TMC1: variants seen among roughly 807,000 people sequenced by gnomAD.
The protein encoded by TMC1 is transmembrane channel like 1.
Under a neutral mutation model 105.8 loss-of-function variants are expected in TMC1, and 84 were observed. The observed-to-expected ratio is 0.79, with a 90% confidence interval of 0.67 to 0.95. The LOEUF is 0.95. TMC1 is among the 40% of genes least tolerant of loss of function. TMC1 has a pLI of 0.00. For synonymous variants in TMC1, 315 were observed against 311.5 expected, an observed-to-expected ratio of 1.01 and a Z score of -0.12; for missense variants, 817 against 914.1, an observed-to-expected ratio of 0.89 and a Z score of 1.37.
chr9:72,607,000 T>TAGAGAGAG (rs796092443), intron 2 of TMC1, among the ~76,000 whole-genome samples: 2,557 of 128,602 alleles, frequency 0.02, 26 homozygotes, highest in Non-Finnish European at 0.024. Context: ...TATATATATA[T>TAGAGAGAG]ATAGAGAGAG....
chr9:72,556,754 G>A (rs981826932), intron 1 of TMC1, among the ~76,000 whole-genome samples: 2 of 151,884 alleles, frequency 1.3e-5, no homozygotes, highest in Non-Finnish European at 2.9e-5. Flanking sequence ...CCTGGGAGGC[G>A]GAGGTTGCAG....
chr9:72,625,792 T>G (rs1825337448), intron 3 of TMC1, among the ~76,000 whole-genome samples: 1 of 152,108 alleles, frequency 6.6e-6, no homozygotes, highest in South Asian at 2.1e-4. Context: ...ATAGGTGGCA[T>G]AGTGACCTTG....
chr9:72,532,560 A>G (rs1471243905), intron 1 of TMC1, among the ~76,000 whole-genome samples: 2 of 33,428 alleles, frequency 6.0e-5, no homozygotes, highest in African/African-American at 5.3e-4. Flanking sequence ...AAAAAAAAAA[A>G]AAAAAAAAAA....
intron 1 of TMC1, among the ~76,000 whole-genome samples, chr9:72,560,087 A>G (rs1019335163): frequency 6.6e-6 from 1 of 152,218 alleles, no homozygotes; most frequent in Non-Finnish European, 1.5e-5. Flanking sequence ...TAACCATGAC[A>G]TATCACCCCT....
intron 21 of TMC1, among the ~76,000 whole-genome samples, chr9:72,828,993 T>C (rs1005878429): frequency 7.2e-5 from 11 of 152,230 alleles, no homozygotes; most frequent in Non-Finnish European, 1.5e-4. Context: ...GTCATCTTCA[T>C]CCTGCAGGAC....
intron 5 of TMC1, chr9:72,655,840 C>G (rs1208374846): frequency 2.7e-6 from 2 of 746,136 alleles, no homozygotes; most frequent in Non-Finnish European, 4.9e-6. Flanking sequence ...ACTTATACGT[C>G]TACAATGGTG....
chr9:72,816,256 A>C (rs746205331), intron 19 of TMC1, 46 bp downstream of exon 19: 11 of 1,575,106 alleles, frequency 7.0e-6, no homozygotes, highest in Non-Finnish European at 9.6e-6. Flanking sequence ...AAAGCCTCCC[A>C]GGTTATTTTT....
At chr9:72,721,962 CG>C (rs1827034898) in intron 8 of TMC1, among the ~76,000 whole-genome samples, 2 of 152,246 alleles carry the variant, frequency 1.3e-5, no homozygotes, top group South Asian at 4.1e-4. Flanking sequence ...TAAAAAATAT[CG>C]GTGAGCTCCA....
chr9:72,750,542 G>A (rs1827566173), intron 10 of TMC1, among the ~76,000 whole-genome samples: 2 of 139,728 alleles, frequency 1.4e-5, no homozygotes, highest in Admixed American at 7.3e-5. Context: ...TTAAGAGGGT[G>A]CTTTTTTTTT....
At chr9:72,525,647 G>T (rs1823393318) in intron 1 of TMC1, among the ~76,000 whole-genome samples, 1 of 152,070 alleles carries the variant, frequency 6.6e-6, no homozygotes, top group Admixed American at 6.6e-5. Flanking sequence ...GAAAGAAAGG[G>T]AAACAGTTTG....
intron 7 of TMC1, among the ~76,000 whole-genome samples, chr9:72,696,374 G>A (rs940668032): frequency 2.6e-5 from 4 of 152,110 alleles, no homozygotes; most frequent in African/African-American, 7.2e-5. Flanking sequence ...TTTTTGCTGC[G>A]ACAATTTGTG....
At chr9:72,688,621 TATG>T in intron 5 of TMC1, 85 bp from the exon 6 acceptor site, 1 of 1,260,748 alleles carries the variant, frequency 7.9e-7, no homozygotes, top group Non-Finnish European at 1.1e-6. Context: ...ACAAAAACAT[TATG>T]ATAAAAACAA....
At position 72,740,111 on chromosome 9, in the gene TMC1, T is replaced by C. The variant is rs1258669678; in HGVS notation, c.363-8T>C. ...CTTTTATCCCTTATGTTATTTTTAT[T>C]TTCTCAGGGAGGCAAAAAAATTTGT... On this transcript the variant is annotated splice_polypyrimidine_tract_variant and splice_region_variant and intron_variant, in intron 8 of 23. Transcript: ENST00000297784. The C allele has an allele frequency of 3.7e-6, 6 of 1,611,682 alleles. No individual in the cohort carries two copies. The Admixed American group carries it at 1.0e-4, about 27-fold the overall frequency.
intron 10 of TMC1, among the ~76,000 whole-genome samples, chr9:72,749,079 G>A (rs1827537317): frequency 6.6e-6 from 1 of 152,196 alleles, no homozygotes; most frequent in South Asian, 2.1e-4. Flanking sequence ...TGATGCTTAA[G>A]CATGTTGGAG....
intron 17 of TMC1, among the ~76,000 whole-genome samples, chr9:72,799,593 C>T (rs926169233): frequency 1.3e-5 from 2 of 152,004 alleles, no homozygotes; most frequent in Non-Finnish European, 2.9e-5. Context: ...ATAAATCCCC[C>T]CTTTGATGAT....
At chr9:72,551,331 G>T (rs572945755) in intron 1 of TMC1, among the ~76,000 whole-genome samples, 1 of 152,150 alleles carries the variant, frequency 6.6e-6, no homozygotes, top group African/African-American at 2.4e-5. Flanking sequence ...TGCCCTAGCC[G>T]TTTATCTAAA....
At chr9:72,613,682 G>T (rs943718752) in intron 2 of TMC1, among the ~76,000 whole-genome samples, 2 of 152,114 alleles carry the variant, frequency 1.3e-5, no homozygotes, top group African/African-American at 4.8e-5. Flanking sequence ...GGTGGGTGCT[G>T]TGGGGGTCGG....
intron 1 of TMC1, among the ~76,000 whole-genome samples, chr9:72,575,168 C>T (rs1379424932): frequency 6.6e-6 from 1 of 152,144 alleles, no homozygotes; most frequent in Non-Finnish European, 1.5e-5. Flanking sequence ...TATTCCACAA[C>T]AGCAAATTAG....
chr9:72,779,733 G>C (rs916458265), intron 13 of TMC1, among the ~76,000 whole-genome samples: 1 of 152,078 alleles, frequency 6.6e-6, no homozygotes, highest in Non-Finnish European at 1.5e-5. Flanking sequence ...AAAAAGGAAT[G>C]AACAAAGCCT....
Sources: allele counts gnomAD v4.1 joint callset (sites outside exome capture counted in the v4.1 genomes callset), GRCh38; gene constraint gnomAD v4.1.1; transcripts MANE v1.5; gene names NCBI Gene and HGNC (gene_info 2026-07-23, HGNC 2026-07-21).